The following MRTFB variants were observed in gnomAD, a reference collection of about 807,000 sequenced individuals.
MRTFB encodes myocardin related transcription factor B, also known as myocardin-related transcription factor B.
In MRTFB, 29 loss-of-function variants were observed where a neutral mutation model predicts 104.2. The ratio of observed to expected loss-of-function variants is 0.28; its 90% confidence interval spans 0.21 to 0.38. MRTFB has a LOEUF of 0.38. MRTFB is among the 10% of genes least tolerant of loss of function. The probability of loss-of-function intolerance (pLI) is 1.00; values close to 1 mark genes in which losing one functional copy is unlikely to be tolerated. For synonymous variants in MRTFB, 535 were observed against 519.5 expected, an observed-to-expected ratio of 1.03 and a Z score of -0.41; for missense variants, 1,270 against 1,341.6, an observed-to-expected ratio of 0.95 and a Z score of 0.83.
At chr16:14,121,438 G>A (rs1418011660) in intron 2 of MRTFB, among the ~76,000 whole-genome samples, 2 of 152,100 alleles carry the variant, frequency 1.3e-5, no homozygotes, top group Admixed American at 1.3e-4. Context: ...GCGATGTCAC[G>A]ATGCTCCAAA....
At chr16:14,158,243 T>C (rs1425266456) in intron 3 of MRTFB, among the ~76,000 whole-genome samples, 1 of 152,240 alleles carries the variant, frequency 6.6e-6, no homozygotes, top group Non-Finnish European at 1.5e-5. Context: ...CTGTGTTAGA[T>C]TTTTCCATGT....
chr16:14,203,783 G>A (rs1325086068), intron 3 of MRTFB, among the ~76,000 whole-genome samples: 16 of 125,740 alleles, frequency 1.3e-4, no homozygotes, highest in Admixed American at 3.9e-4. Context: ...CAGCCTGGGC[G>A]ACAGAGGAAG....
At chr16:14,232,377 T>C (rs2042304472) in intron 8 of MRTFB, among the ~76,000 whole-genome samples, 1 of 152,180 alleles carries the variant, frequency 6.6e-6, no homozygotes, top group Non-Finnish European at 1.5e-5. Context: ...AAAGAAGTGA[T>C]CAGCTAACAT....
intron 3 of MRTFB, chr16:14,152,285 G>T (rs546640549): frequency 3.2e-4 from 49 of 151,562 alleles, no homozygotes; most frequent in African/African-American, 1.0e-3. Flanking sequence ...AATTATCTTT[G>T]TATAAACAAG....
chr16:14,122,284 C>T (rs1020386323), intron 2 of MRTFB, among the ~76,000 whole-genome samples: 5 of 150,110 alleles, frequency 3.3e-5, no homozygotes, highest in South Asian at 2.1e-4. Flanking sequence ...AATTAATGTA[C>T]CAACTTTTTT....
chr16:14,125,320 C>T (rs1046279872), intron 2 of MRTFB, among the ~76,000 whole-genome samples: 2 of 152,234 alleles, frequency 1.3e-5, no homozygotes, highest in Non-Finnish European at 2.9e-5. Context: ...GCCAGCCCCT[C>T]CAGCAAGGCC....
chr16:14,246,771 C>T lies in MRTFB; in HGVS notation c.1511C>T (p.Pro504Leu). 6.2e-7 allele frequency: 1 copy of T among 1,614,074 alleles called. No individual in the cohort carries two copies. The highest frequency in any genetic ancestry group is 8.5e-7 in the Non-Finnish European group (1 of 1,180,048). Residue 504 changes from proline to leucine, a missense_variant, in exon 12 of 17, where the codon CCC becomes CTC. By Grantham distance (98) the Pro-to-Leu change is moderately conservative (BLOSUM62 -3). Around this residue, in one of 3 missense-constraint regions of MRTFB, gnomAD observed 1,144 missense variants for 1,131.5 expected, o/e 1.01. Coordinates refer to ENST00000571589, the MANE Select transcript of MRTFB (RefSeq NM_001308142.2). ...TRVENVHSPL[P>L]ISPSPSEQSS... ...GTGGAAAATGTTCATTCCCCTCTGC[C>T]CATTTCACCATCTCCCTCCGAACAG...
At chr16:13,999,527 A>T in the MRTFB span, among the ~76,000 whole-genome samples, 1 of 151,916 alleles carries the variant, frequency 6.6e-6, no homozygotes. Flanking sequence ...AAGAAAGAAA[A>T]AAAAAAGCTT....
In MRTFB at chr16:14,240,358, A is replaced by G; in HGVS notation, c.953A>G (p.Asn318Ser). 1 of 1,614,232 alleles carries G rather than the reference A, an allele frequency of 6.2e-7. No individual in the cohort carries two copies. Among genetic ancestry groups the G allele is most frequent in the Admixed American group, 1.7e-5 (1 of 60,028 alleles). ...CCACCAGATCAGAAGGGTGAGAAGAATGAGCCGCAGATGGACTCTAACTAC... is the reference window on the plus strand; with the variant it reads ...CCACCAGATCAGAAGGGTGAGAAGAGTGAGCCGCAGATGGACTCTAACTAC... ...YIPPDQKGEK[N>S]EPQMDSNYAR... is the part of the protein sequence containing the mutation. Residue 318 changes from asparagine to serine, a missense_variant, in exon 10 of 17, where the codon AAT becomes AGT. Coordinates refer to ENST00000571589, the MANE Select transcript of MRTFB (RefSeq NM_001308142.2).
intron 15 of MRTFB, among the ~76,000 whole-genome samples, chr16:14,256,356 G>T (rs934706170): frequency 2.0e-5 from 3 of 152,170 alleles, no homozygotes; most frequent in African/African-American, 7.2e-5. Flanking sequence ...AGACTCAACT[G>T]TATGCAGTTT....
intron 2 of MRTFB, among the ~76,000 whole-genome samples, chr16:14,131,291 C>CTTAAGAG (rs2037426694): frequency 6.6e-6 from 1 of 152,154 alleles, no homozygotes. Flanking sequence ...GAGGCAATCA[C>CTTAAGAG]AATCTCATAC....
chr16:14,256,695 C>A (rs1247808487), intron 15 of MRTFB, among the ~76,000 whole-genome samples: 2 of 152,236 alleles, frequency 1.3e-5, no homozygotes. Context: ...CTGGCTGCAA[C>A]CTCATGAAAG....
chr16:14,126,672 A>G (rs1343258192), intron 2 of MRTFB, among the ~76,000 whole-genome samples: 4 of 152,148 alleles, frequency 2.6e-5, no homozygotes, highest in East Asian at 1.9e-4. Context: ...TATCTCTTCA[A>G]TTCTCCCATC....
rs375889470 is a variant in MRTFB at position 14,210,225 on chromosome 16, A to C, written c.155-18A>C. 3 of 1,606,720 alleles carry C rather than the reference A, an allele frequency of 1.9e-6. No individual in the cohort carries two copies. The Admixed American group carries it at 5.0e-5, about 27-fold the overall frequency. On this transcript the variant is annotated intron_variant, in intron 3 of 16. Coordinates refer to ENST00000571589, the MANE Select transcript of MRTFB (RefSeq NM_001308142.2). ...CAGTTGCCGATAAACTCCAATGGTGATTATTTCCTTTTCACAGTGCTCCAG... is the reference window on the plus strand; with the variant it reads ...CAGTTGCCGATAAACTCCAATGGTGCTTATTTCCTTTTCACAGTGCTCCAG...
intron 2 of MRTFB, among the ~76,000 whole-genome samples, chr16:14,127,207 A>C (rs1022788674): frequency 5.3e-5 from 8 of 152,186 alleles, no homozygotes; most frequent in Non-Finnish European, 1.2e-4. Flanking sequence ...TCGGTATTTT[A>C]ATCAGTTACT....
chr16:14,167,072 G>A (rs1448961179), intron 3 of MRTFB, among the ~76,000 whole-genome samples: 2 of 152,196 alleles, frequency 1.3e-5, no homozygotes, highest in African/African-American at 4.8e-5. Flanking sequence ...CTAGGTCTCT[G>A]TGAAATTGCC....
intron 3 of MRTFB, among the ~76,000 whole-genome samples, chr16:14,178,683 T>C (rs1240671294): frequency 6.6e-6 from 1 of 152,190 alleles, no homozygotes; most frequent in Non-Finnish European, 1.5e-5. Flanking sequence ...TACAGACCTT[T>C]TAAAAACAGT....
At chr16:14,010,881 C>G in the MRTFB span, among the ~76,000 whole-genome samples, 1 of 152,168 alleles carries the variant, frequency 6.6e-6, no homozygotes, top group Non-Finnish European at 1.5e-5. Flanking sequence ...TTAGTGGTTA[C>G]CGTATTGGAT....
intron 10 of MRTFB, 186 bp downstream of exon 10, chr16:14,240,670 C>G (rs755164464): frequency 2.0e-6 from 2 of 977,128 alleles, no homozygotes; most frequent in African/African-American, 3.2e-5. Context: ...CATTCCATTC[C>G]AGTTTCTGTC....
Sources: allele counts gnomAD v4.1 joint callset (sites outside exome capture counted in the v4.1 genomes callset), GRCh38; gene constraint gnomAD v4.1.1; regional missense constraint gnomAD v4.1.1; transcripts MANE v1.5; gene names NCBI Gene and HGNC (gene_info 2026-07-23, HGNC 2026-07-21).